The following CSMD1 variants were observed in gnomAD, a reference collection of about 807,000 sequenced individuals.
The protein encoded by CSMD1 is CUB and Sushi multiple domains 1, also known as CUB and sushi domain-containing protein 1.
A neutral mutation model predicts 417.5 loss-of-function variants in CSMD1; 213 were observed. The observed-to-expected ratio is 0.51, with a 90% CI of 0.46 to 0.57. The LOEUF (loss-of-function observed/expected upper bound fraction) is 0.57. Among genes scored for constraint, CSMD1 ranks in the 20% least tolerant of loss-of-function variants. The probability of loss-of-function intolerance (pLI) is 0.00; values close to 1 mark genes in which losing one functional copy is unlikely to be tolerated. For missense variants in CSMD1, 6,923 were observed against 4,529.7 expected, an observed-to-expected ratio of 1.53 and a Z score of -15.17; for synonymous variants, 2,862 against 1,736.8, an observed-to-expected ratio of 1.65 and a Z score of -16.11.
At chr8:4,925,215 GTTTTTTTTTT>G (rs10692207) in intron 1 of CSMD1, among the ~76,000 whole-genome samples, 1 of 72,734 alleles carries the variant, frequency 1.4e-5, no homozygotes, top group South Asian at 6.9e-4. Context: ...CAGTTTTATG[GTTTTTTTTTT>G]TTTTTTTTTT....
intron 7 of CSMD1, among the ~76,000 whole-genome samples, chr8:3,672,601 C>A (rs548157520): frequency 4.9e-4 from 75 of 152,276 alleles, no homozygotes; most frequent in Admixed American, 1.6e-3. Context: ...TACATTTGGC[C>A]ATTGTCTACT....
At chr8:4,155,455 A>G (rs960132689) in intron 3 of CSMD1, among the ~76,000 whole-genome samples, 1 of 152,194 alleles carries the variant, frequency 6.6e-6, no homozygotes, top group Non-Finnish European at 1.5e-5. Flanking sequence ...GGAAATGAAA[A>G]TATGGTAAGT....
Position 3,696,127 on chromosome 8 carries a change from G to C in CSMD1, c.1009+12287C>G, listed in dbSNP as rs913660110. On this transcript the variant is annotated intron_variant, in intron 7 of 69. Coordinates refer to ENST00000635120, the MANE Select transcript of CSMD1 (RefSeq NM_033225.6). ...CAGTTACCTTGAATTTTCACTTGAA[G>C]CCATGGTTTTCCCAGATACATAATG... 2.0e-5 allele frequency among the ~76,000 whole-genome samples: 3 copies of C among 152,298 alleles called. No homozygotes were observed. The East Asian group carries it at 5.8e-4, about 29-fold the overall frequency.
intron 6 of CSMD1, among the ~76,000 whole-genome samples, chr8:3,739,538 C>T (rs1269481988): frequency 6.6e-6 from 1 of 151,748 alleles, no homozygotes; most frequent in Non-Finnish European, 1.5e-5. Context: ...TATTACACGT[C>T]AATTGAAAAA....
chr8:4,549,227 T>C (rs2130554263), intron 2 of CSMD1, among the ~76,000 whole-genome samples: 1 of 152,262 alleles, frequency 6.6e-6, no homozygotes, highest in African/African-American at 2.4e-5. Context: ...AATGTAATGT[T>C]ATCAACCCTA....
At chr8:4,613,411 C>G (rs954945778) in intron 2 of CSMD1, among the ~76,000 whole-genome samples, 2 of 152,170 alleles carry the variant, frequency 1.3e-5, no homozygotes, top group African/African-American at 4.8e-5. Context: ...TAGGCAAGCT[C>G]ATGCTACTCA....
intron 5 of CSMD1, among the ~76,000 whole-genome samples, chr8:3,971,331 G>A (rs772202195): frequency 2.0e-4 from 31 of 152,038 alleles, no homozygotes; most frequent in Admixed American, 5.2e-4. Flanking sequence ...TGCAGCTGCC[G>A]GTTCACATGT....
At chr8:4,740,454 G>A (rs1369502210) in intron 1 of CSMD1, among the ~76,000 whole-genome samples, 2 of 152,138 alleles carry the variant, frequency 1.3e-5, no homozygotes, top group Admixed American at 1.3e-4. Flanking sequence ...CAATCCTAGG[G>A]TAGAGACAGG....
At chr8:3,878,713 A>T (rs1805999935) in intron 5 of CSMD1, among the ~76,000 whole-genome samples, 1 of 152,120 alleles carries the variant, frequency 6.6e-6, no homozygotes, top group Non-Finnish European at 1.5e-5. Flanking sequence ...CTTCAGTGAG[A>T]CACTGTGTCA....
chr8:4,567,503 C>A (rs1798668706), intron 2 of CSMD1, among the ~76,000 whole-genome samples: 1 of 152,114 alleles, frequency 6.6e-6, no homozygotes, highest in South Asian at 2.1e-4. Context: ...TCTTCCCACT[C>A]CAACTTAGAA....
intron 5 of CSMD1, among the ~76,000 whole-genome samples, chr8:3,995,685 A>T (rs1815158176): frequency 6.6e-6 from 1 of 152,238 alleles, no homozygotes; most frequent in African/African-American, 2.4e-5. Flanking sequence ...AAGAGACAAT[A>T]GTAGACAATA....
At chr8:3,497,252 G>C (rs566510404) in intron 10 of CSMD1, among the ~76,000 whole-genome samples, 2 of 152,232 alleles carry the variant, frequency 1.3e-5, no homozygotes, top group East Asian at 1.9e-4. Flanking sequence ...GGATGTTCAA[G>C]TCCACATCTA....
At chr8:4,145,429 C>G (rs1245240536) in intron 3 of CSMD1, among the ~76,000 whole-genome samples, 1 of 151,174 alleles carries the variant, frequency 6.6e-6, no homozygotes, top group Non-Finnish European at 1.5e-5. Flanking sequence ...GGAAAAGTGA[C>G]TTAATCTACA....
Position 3,442,830 on chromosome 8 carries a change from A to AT in CSMD1, c.1561+25881dup, listed in dbSNP as rs367559731. Among the ~76,000 whole-genome samples the AT allele has an allele frequency of 5.8e-3, 866 of 150,114 alleles. 7 individuals carry two copies. Among genetic ancestry groups the AT allele is most frequent in the African/African-American group, 0.019 (788 of 41,054 alleles). On this transcript the variant is annotated intron_variant, in intron 12 of 69. Coordinates refer to ENST00000635120, the MANE Select transcript of CSMD1 (RefSeq NM_033225.6). ...ATTTATGAGAGATATTAGTACATAG[A>AT]TTTTTTTTTTGTTATGTCTGTACCT... is the stretch of plus-strand genomic sequence containing the variant.
intron 3 of CSMD1, among the ~76,000 whole-genome samples, chr8:4,126,144 C>CA (rs761502306): frequency 6.6e-6 from 1 of 152,098 alleles, no homozygotes; most frequent in Non-Finnish European, 1.5e-5. Flanking sequence ...CCTGACCAGT[C>CA]AGCACTACCC....
intron 3 of CSMD1, among the ~76,000 whole-genome samples, chr8:4,128,242 G>A (rs925880252): frequency 3.3e-5 from 5 of 152,102 alleles, no homozygotes; most frequent in African/African-American, 9.7e-5. Context: ...CTGCATGGCT[G>A]ACAGGTGCAA....
intron 5 of CSMD1, among the ~76,000 whole-genome samples, chr8:3,771,365 G>T (rs1049199545): frequency 6.6e-6 from 1 of 152,142 alleles, no homozygotes; most frequent in Admixed American, 6.5e-5. Context: ...AGACGGCATT[G>T]CTTCACACTC....
chr8:3,060,847 T>C (rs1812546909), intron 49 of CSMD1, among the ~76,000 whole-genome samples: 1 of 152,190 alleles, frequency 6.6e-6, no homozygotes, highest in Non-Finnish European at 1.5e-5. Flanking sequence ...AGCAGAGTCA[T>C]GCCATTTTGT....
chr8:3,013,037 C>G (rs143232096), intron 52 of CSMD1, among the ~76,000 whole-genome samples: 72 of 152,298 alleles, frequency 4.7e-4, no homozygotes, highest in African/African-American at 1.6e-3. Context: ...TACCTTCCAC[C>G]ATGATTGTGA....
Sources: gnomAD v4.1 joint callset for allele counts (sites outside exome capture counted in the v4.1 genomes callset) on GRCh38, gnomAD v4.1.1 for gene constraint, MANE v1.5 for transcripts, NCBI Gene and HGNC (gene_info 2026-07-23, HGNC 2026-07-21) for gene names.